Variants in STAG1 observed in about 807,000 individuals in gnomAD.
STAG1 encodes the protein cohesin subunit SA-1.
STAG1 carries 26 observed loss-of-function variants against 170.9 expected under a neutral mutation model. The ratio of observed to expected loss-of-function variants is 0.15; its 90% CI spans 0.11 to 0.21. STAG1 has a LOEUF of 0.21. Among genes scored for constraint, STAG1 ranks in the 10% least tolerant of loss-of-function variants. The pLI is 1.00. For missense variants in STAG1, 964 were observed against 1,509.5 expected, an observed-to-expected ratio of 0.64 and a Z score of 5.99; for synonymous variants, 514 against 497.7, an observed-to-expected ratio of 1.03 and a Z score of -0.44.
chr3:136,604,599 C>T (rs1238354749), intron 3 of STAG1, 126 bp from the exon 4 acceptor site: 3 of 816,180 alleles, frequency 3.7e-6, no homozygotes, highest in African/African-American at 1.8e-5. Context: ...CTCAGTAATT[C>T]AAAAAAGTGC....
chr3:136,673,103 G>A (rs944385365), intron 1 of STAG1, among the ~76,000 whole-genome samples: 2 of 152,186 alleles, frequency 1.3e-5, no homozygotes, highest in South Asian at 2.1e-4. Flanking sequence ...ATAAGAATTC[G>A]TTTTAATATC....
intron 1 of STAG1, among the ~76,000 whole-genome samples, chr3:136,661,414 C>T (rs1405653489): frequency 6.6e-6 from 1 of 152,152 alleles, no homozygotes; most frequent in Non-Finnish European, 1.5e-5. Context: ...GAAATGTCTA[C>T]ACCTGACCTT....
At chr3:136,749,861 G>A (rs1431266915) in intron 1 of STAG1, among the ~76,000 whole-genome samples, 1 of 151,622 alleles carries the variant, frequency 6.6e-6, no homozygotes, top group Non-Finnish European at 1.5e-5. Flanking sequence ...CTGACCTATG[G>A]AAGCTGAAAT....
chr3:136,632,527 G>A (rs1940371007), intron 1 of STAG1, among the ~76,000 whole-genome samples: 1 of 151,996 alleles, frequency 6.6e-6, no homozygotes, highest in African/African-American at 2.4e-5. Flanking sequence ...ATTCCCAGCT[G>A]GCATCTGCTG....
At chr3:136,514,811 G>C (rs993722402) in intron 7 of STAG1, among the ~76,000 whole-genome samples, 2 of 151,960 alleles carry the variant, frequency 1.3e-5, no homozygotes, top group Non-Finnish European at 2.9e-5. Context: ...CTATCACAAG[G>C]ACAGAAAACC....
intron 12 of STAG1, among the ~76,000 whole-genome samples, chr3:136,468,839 A>G (rs535163173): frequency 3.3e-5 from 5 of 152,284 alleles, no homozygotes; most frequent in Admixed American, 3.3e-4. Context: ...AATATACACA[A>G]ATCAATAAAT....
intron 3 of STAG1, among the ~76,000 whole-genome samples, chr3:136,608,274 C>T (rs1168589662): frequency 6.8e-6 from 1 of 147,014 alleles, no homozygotes; most frequent in Non-Finnish European, 1.5e-5. Context: ...AAAAAAAAAA[C>T]TGCACACTGG....
chr3:136,460,122 C>G (rs543967253), intron 13 of STAG1, among the ~76,000 whole-genome samples: 1 of 151,768 alleles, frequency 6.6e-6, no homozygotes, highest in African/African-American at 2.4e-5. Flanking sequence ...AAACCTTTAG[C>G]TGAACTAAAA....
At chr3:136,501,660 C>T (rs114157713) in intron 8 of STAG1, among the ~76,000 whole-genome samples, 2,464 of 152,182 alleles carry the variant, frequency 0.016, 69 homozygotes, top group Non-Finnish European at 0.018. Flanking sequence ...TTGTTTAATT[C>T]GTTCAGTTTG....
chr3:136,463,028 T>C lies in STAG1; in HGVS notation c.1313+1853A>G, dbSNP rs142824215. Among the ~76,000 whole-genome samples the C allele has an allele frequency of 2.0e-5, 3 of 152,242 alleles. No homozygotes were observed. The East Asian group carries it at 5.8e-4, about 29-fold the overall frequency. On this transcript the variant is annotated intron_variant, in intron 13 of 33. Coordinates refer to ENST00000383202, the MANE Select transcript of STAG1 (RefSeq NM_005862.3). ...TTGAAAAGTAGAGAATAGAGACTAA[T>C]TAGAATAAAATAATGCTGAAAAAAG...
intron 9 of STAG1, among the ~76,000 whole-genome samples, chr3:136,489,994 T>G (rs1402474598): frequency 6.6e-6 from 1 of 152,210 alleles, no homozygotes; most frequent in Non-Finnish European, 1.5e-5. Flanking sequence ...AATATTTCAT[T>G]TATTATTTCA....
chr3:136,751,804 C>CGGGCGGGGGGGGGCGGAGGGCGGGCT (rs1559990771), intron 1 of STAG1, among the ~76,000 whole-genome samples: 3 of 121,068 alleles, frequency 2.5e-5, no homozygotes, highest in African/African-American at 7.6e-5. Context: ...CCCGAGAGCC[C>CGGGCGGGGGGGGGCGGAGGGCGGGCT]GGGCGGGGGG....
At position 136,471,058 on chromosome 3, in the gene STAG1, C is replaced by T. The variant is rs184159447; in HGVS notation, c.1205+1355G>A. ...AGTTAGTGAGTGCAGCACACCAACA[C>T]GGCACATGTATACATATGTAACAAA... On this transcript the variant is annotated intron_variant, in intron 12 of 33. Coordinates refer to ENST00000383202, the MANE Select transcript of STAG1 (RefSeq NM_005862.3). 6.0e-5 allele frequency among the ~76,000 whole-genome samples: 9 copies of T among 150,538 alleles called. No individual in the cohort carries two copies. The East Asian group carries it at 1.2e-3, about 20-fold the overall frequency.
intron 25 of STAG1, among the ~76,000 whole-genome samples, chr3:136,366,662 A>T (rs1274123462): frequency 6.6e-6 from 1 of 152,162 alleles, no homozygotes; most frequent in African/African-American, 2.4e-5. Flanking sequence ...CACATCAAGA[A>T]GGTCTCTGAG....
At chr3:136,698,705 G>A (rs1029758129) in intron 1 of STAG1, among the ~76,000 whole-genome samples, 1 of 152,162 alleles carries the variant, frequency 6.6e-6, no homozygotes, top group South Asian at 2.1e-4. Flanking sequence ...TGGGTATCTT[G>A]CTGGGTATCT....
intron 12 of STAG1, among the ~76,000 whole-genome samples, chr3:136,471,235 A>G (rs2089619996): frequency 6.6e-6 from 1 of 152,166 alleles, no homozygotes; most frequent in Non-Finnish European, 1.5e-5. Context: ...TTCTCTTTAA[A>G]AAAGATGAGA....
intron 26 of STAG1, among the ~76,000 whole-genome samples, chr3:136,359,853 A>C (rs1936794005): frequency 6.6e-6 from 1 of 152,234 alleles, no homozygotes; most frequent in Admixed American, 6.5e-5. Context: ...TATTTATAGA[A>C]GTACACTGTA....
At position 136,409,946 on chromosome 3, in the gene STAG1, T is replaced by C. The variant is rs377650399; in HGVS notation, c.2196+7939A>G. 2.6e-4 allele frequency among the ~76,000 whole-genome samples: 39 copies of C among 148,808 alleles called. No homozygotes were observed. The East Asian group carries it at 7.4e-3, about 28-fold the overall frequency. On this transcript the variant is annotated intron_variant, in intron 21 of 33. Transcript: ENST00000383202. ...ATTTCTTTTAAAAAATTAGCTGCGG[T>C]GTGGTGGTGCAAGCCTGTGGTCCCA...
At chr3:136,465,036 TC>T in intron 12 of STAG1, 48 bp from the exon 13 acceptor site, 1 of 1,390,786 alleles carries the variant, frequency 7.2e-7, no homozygotes, top group Non-Finnish European at 9.9e-7. Flanking sequence ...ATGTTTATTT[TC>T]CTTTCTACTT....
Sources: allele counts gnomAD v4.1 joint callset (sites outside exome capture counted in the v4.1 genomes callset), GRCh38; gene constraint gnomAD v4.1.1; transcripts MANE v1.5; gene names NCBI Gene and HGNC (gene_info 2026-07-23, HGNC 2026-07-21).